The following PARD3 variants were observed in gnomAD, a reference collection of about 807,000 sequenced individuals.
PARD3 encodes the protein par-3 family cell polarity regulator.
In PARD3, 75 loss-of-function variants were observed where a neutral mutation model predicts 155.4. The ratio of observed to expected loss-of-function variants is 0.48; its 90% CI spans 0.40 to 0.58. The LOEUF is 0.58. Ranked by LOEUF, PARD3 falls within the 20% of genes least tolerant of loss-of-function variation. The pLI is 0.00. For synonymous variants in PARD3, 576 were observed against 610.5 expected, an observed-to-expected ratio of 0.94 and a Z score of 0.83; for missense variants, 1,642 against 1,721.7, an observed-to-expected ratio of 0.95 and a Z score of 0.82.
At chr10:34,660,211 TTGTG>T (rs2093285582) in intron 2 of PARD3, among the ~76,000 whole-genome samples, 1 of 152,198 alleles carries the variant, frequency 6.6e-6, no homozygotes, top group Non-Finnish European at 1.5e-5. Context: ...TCTCCCTCCA[TTGTG>T]TGTATTTCTC....
At chr10:34,352,341 C>T (rs1245954585) in intron 14 of PARD3, among the ~76,000 whole-genome samples, 31 of 151,466 alleles carry the variant, frequency 2.0e-4, no homozygotes, top group African/African-American at 7.3e-4. Context: ...CTTTTTTGCT[C>T]CCCTCTCCCC....
chr10:34,323,132 C>T (rs543327916), intron 19 of PARD3, among the ~76,000 whole-genome samples: 17 of 152,206 alleles, frequency 1.1e-4, no homozygotes, highest in African/African-American at 2.6e-4. Flanking sequence ...GAATCAAGAA[C>T]GCTGGGGACA....
intron 2 of PARD3, among the ~76,000 whole-genome samples, chr10:34,678,739 A>C (rs1372846818): frequency 6.6e-6 from 1 of 152,164 alleles, no homozygotes; most frequent in Non-Finnish European, 1.5e-5. Context: ...AAAATTAATC[A>C]GGAAACTTTT....
At chr10:34,589,196 T>G (rs1035862546) in intron 2 of PARD3, among the ~76,000 whole-genome samples, 1 of 152,290 alleles carries the variant, frequency 6.6e-6, no homozygotes, top group Non-Finnish European at 1.5e-5. Flanking sequence ...TAAAAATCAA[T>G]GTAAGAACTT....
chr10:34,513,432 C>T (rs756916226), intron 3 of PARD3, among the ~76,000 whole-genome samples: 10 of 152,136 alleles, frequency 6.6e-5, no homozygotes, highest in Non-Finnish European at 1.5e-4. Context: ...AGGCGTGTGC[C>T]ACCACGCCCA....
At chr10:34,599,568 G>A (rs1419888871) in intron 2 of PARD3, among the ~76,000 whole-genome samples, 2 of 152,132 alleles carry the variant, frequency 1.3e-5, no homozygotes, top group Non-Finnish European at 2.9e-5. Context: ...AATGAACCAA[G>A]TCTACATAAA....
intron 19 of PARD3, among the ~76,000 whole-genome samples, chr10:34,329,907 T>C (rs1395017386): frequency 6.6e-6 from 1 of 152,172 alleles, no homozygotes; most frequent in East Asian, 1.9e-4. Flanking sequence ...TATATTAACG[T>C]ATATATACAT....
intron 1 of PARD3, among the ~76,000 whole-genome samples, chr10:34,729,696 A>G (rs974805043): frequency 1.4e-4 from 21 of 152,280 alleles, no homozygotes; most frequent in African/African-American, 4.8e-4. Context: ...AAGTGCCCCA[A>G]AAGTTTCCAC....
intron 22 of PARD3, among the ~76,000 whole-genome samples, chr10:34,187,819 T>G (rs1428128076): frequency 2.0e-5 from 3 of 152,206 alleles, no homozygotes; most frequent in Non-Finnish European, 2.9e-5. Context: ...CAGCAATGCT[T>G]TGATTTTAAG....
intron 2 of PARD3, among the ~76,000 whole-genome samples, chr10:34,589,391 A>C (rs1459407137): frequency 6.6e-6 from 1 of 152,156 alleles, no homozygotes; most frequent in Non-Finnish European, 1.5e-5. Context: ...AAATTAAGTT[A>C]AAATGAGGTC....
At chr10:34,136,152 T>C (rs1028449410) in intron 22 of PARD3, among the ~76,000 whole-genome samples, 2 of 152,208 alleles carry the variant, frequency 1.3e-5, no homozygotes, top group Non-Finnish European at 2.9e-5. Flanking sequence ...TTTACTTTCA[T>C]TGCACCAAAA....
chr10:34,401,023 T>A (rs1843824273), intron 6 of PARD3, among the ~76,000 whole-genome samples: 1 of 152,160 alleles, frequency 6.6e-6, no homozygotes, highest in African/African-American at 2.4e-5. Flanking sequence ...CTGCCATACA[T>A]TCAAACAGCA....
At chr10:34,616,498 T>A (rs572405591) in intron 2 of PARD3, among the ~76,000 whole-genome samples, 5 of 152,262 alleles carry the variant, frequency 3.3e-5, no homozygotes, top group Middle Eastern at 3.4e-3. Flanking sequence ...CAGCAACTGA[T>A]GAACAGGTAA....
chr10:34,511,503 A>G (rs920328644), intron 3 of PARD3, among the ~76,000 whole-genome samples: 3 of 152,142 alleles, frequency 2.0e-5, no homozygotes, highest in Non-Finnish European at 4.4e-5. Flanking sequence ...GCATCCTCAC[A>G]TGTAGGAAGG....
intron 22 of PARD3, among the ~76,000 whole-genome samples, chr10:34,161,655 G>A (rs1396334194): frequency 6.6e-6 from 1 of 152,072 alleles, no homozygotes; most frequent in African/African-American, 2.4e-5. Flanking sequence ...GACAATAGCT[G>A]GAAAAAAACA....
chr10:34,417,386 A>C (rs1412174176), intron 5 of PARD3, among the ~76,000 whole-genome samples: 1 of 152,136 alleles, frequency 6.6e-6, no homozygotes, highest in Non-Finnish European at 1.5e-5. Flanking sequence ...TATGATCAAA[A>C]TTTTTATTTG....
At chr10:34,610,276 G>C (rs978735219) in intron 2 of PARD3, among the ~76,000 whole-genome samples, 1 of 152,142 alleles carries the variant, frequency 6.6e-6, no homozygotes, top group African/African-American at 2.4e-5. Context: ...CAGGGAACGT[G>C]AAAGTTGCTG....
At chr10:34,463,778 C>T (rs2077830032) in intron 4 of PARD3, among the ~76,000 whole-genome samples, 2 of 152,120 alleles carry the variant, frequency 1.3e-5, no homozygotes, top group Non-Finnish European at 2.9e-5. Context: ...GATTAAAATC[C>T]TGTATTTTTA....
chr10:34,501,344 C>T (rs901023254), intron 3 of PARD3, among the ~76,000 whole-genome samples: 5 of 152,072 alleles, frequency 3.3e-5, no homozygotes, highest in African/African-American at 1.2e-4. Flanking sequence ...CTCCTGCTTT[C>T]GTCATGTGAC....
Sources: gnomAD v4.1 joint callset for allele counts (sites outside exome capture counted in the v4.1 genomes callset) on GRCh38, gnomAD v4.1.1 for gene constraint, MANE v1.5 for transcripts, NCBI Gene and HGNC (gene_info 2026-07-23, HGNC 2026-07-21) for gene names.